The following ETV6 variants were observed in gnomAD, a reference collection of about 807,000 sequenced individuals.
ETV6 encodes the protein ETS variant transcription factor 6.
A neutral mutation model predicts 51.1 loss-of-function variants in ETV6; 16 were observed. That is an observed-to-expected ratio of 0.31 (90% CI 0.21 to 0.48). The LOEUF is 0.48. ETV6 is among the 20% of genes least tolerant of loss of function. The pLI is 0.99. For synonymous variants in ETV6, 240 were observed against 224.1 expected (o/e 1.07, Z -0.64); for missense variants, 458 against 594.8 (o/e 0.77, Z 2.39).
chr12:11,845,467 T>A (rs1946447811), intron 3 of ETV6, among the ~76,000 whole-genome samples: 2 of 152,264 alleles, frequency 1.3e-5, no homozygotes, highest in African/African-American at 2.4e-5. Flanking sequence ...TCTTACTGTA[T>A]CTGTTTTCTA....
At chr12:11,724,962 G>T (rs1056168555) in intron 1 of ETV6, among the ~76,000 whole-genome samples, 3 of 152,118 alleles carry the variant, frequency 2.0e-5, no homozygotes, top group Non-Finnish European at 4.4e-5. Context: ...TTATCCTCCT[G>T]CCCTGAGGTT....
intron 1 of ETV6, among the ~76,000 whole-genome samples, chr12:11,747,095 G>A (rs1034739592): frequency 4.6e-5 from 7 of 152,098 alleles, no homozygotes; most frequent in African/African-American, 9.7e-5. Context: ...TTTGTCTGGC[G>A]TACCCTCTCC....
chr12:11,772,308 T>C (rs1184520951), intron 2 of ETV6, among the ~76,000 whole-genome samples: 1 of 152,210 alleles, frequency 6.6e-6, no homozygotes, highest in African/African-American at 2.4e-5. Flanking sequence ...AGAGAATGTT[T>C]TTGAATTCAG....
intron 1 of ETV6, among the ~76,000 whole-genome samples, chr12:11,679,081 A>G (rs944390039): frequency 4.6e-5 from 7 of 152,212 alleles, no homozygotes; most frequent in African/African-American, 1.4e-4. Flanking sequence ...AAAATTAACC[A>G]TCACAGATAT....
In ETV6 at chr12:11,893,826, A is replaced by G. The variant is rs1388638723; in HGVS notation, c.*2780A>G. The G allele has an allele frequency of 8.9e-6, 1 of 112,244 alleles. No homozygotes were observed. The highest frequency in any genetic ancestry group is 4.6e-5 in the African/African-American group (1 of 21,812). The allele number at this position is 112,244 out of a possible 1,614,324, so 7.0% of individuals were successfully genotyped here. ...TATATATATATATATATATATATAT[A>G]TATATATATATATATACACACACAC... On this transcript the variant is annotated 3_prime_UTR_variant, in exon 8 of 8. Transcript: ENST00000396373.
chr12:11,700,877 C>T (rs1864967333), intron 1 of ETV6, among the ~76,000 whole-genome samples: 2 of 152,066 alleles, frequency 1.3e-5, no homozygotes, highest in Admixed American at 1.3e-4. Flanking sequence ...AGTGGACACA[C>T]GCAGCTCAAA....
At chr12:11,693,967 G>A (rs205545) in intron 1 of ETV6, among the ~76,000 whole-genome samples, 149,051 of 152,328 alleles carry the variant, frequency 0.98, 72,995 homozygotes, top group East Asian at 1. Context: ...CTCAAACTAG[G>A]GAGATTATAT....
At chr12:11,650,491 AAAAAC>A (rs1212480997) in intron 1 of ETV6, among the ~76,000 whole-genome samples, 18 of 63,574 alleles carry the variant, frequency 2.8e-4, no homozygotes, top group South Asian at 2.7e-3. Flanking sequence ...TAAAAAAAAA[AAAAAC>A]AAAAAACAAA....
chr12:11,720,915 G>A (rs1222690617), intron 1 of ETV6, among the ~76,000 whole-genome samples: 1 of 152,126 alleles, frequency 6.6e-6, no homozygotes, highest in African/African-American at 2.4e-5. Flanking sequence ...CAAAGGGCAT[G>A]AACAGACACC....
At chr12:11,800,607 A>G (rs1945733202) in intron 2 of ETV6, among the ~76,000 whole-genome samples, 2 of 152,186 alleles carry the variant, frequency 1.3e-5, no homozygotes, top group South Asian at 4.2e-4. Flanking sequence ...TAGATTCCAC[A>G]TGTAAGCGAG....
In ETV6 at chr12:11,650,487, A is replaced by AAAC. The variant is rs1555109490; in HGVS notation, c.33+329_33+330insCAA. On this transcript the variant is annotated intron_variant, in intron 1 of 7. Transcript: ENST00000396373. ...CCCCCGTAATTAGTGCGCTTAAAAA[A>AAAC]AAAAAAAACAAAAAACAAAAAAAAA... Among the ~76,000 whole-genome samples the AAAC allele has an allele frequency of 3.3e-4, 20 of 61,176 alleles. 1 individual carries two copies. The highest frequency in any genetic ancestry group is 1.5e-3 in the South Asian group (2 of 1,332). 40.1% of individuals were successfully genotyped at this position (61,176 alleles called of 152,430 possible).
intron 7 of ETV6, 122 bp from the exon 8 acceptor site, chr12:11,890,819 G>A (rs1591754879): frequency 1.3e-6 from 1 of 776,742 alleles, no homozygotes; most frequent in South Asian, 1.5e-5. Context: ...TAATCTCGGG[G>A]TTCAGTAGCT....
intron 2 of ETV6, among the ~76,000 whole-genome samples, chr12:11,787,051 G>C (rs914013978): frequency 5.3e-5 from 8 of 152,290 alleles, no homozygotes; most frequent in African/African-American, 1.9e-4. Flanking sequence ...GTCTGAAAGA[G>C]TAATGGGGCC....
At chr12:11,769,313 A>C (rs761334122) in intron 2 of ETV6, among the ~76,000 whole-genome samples, 1 of 152,128 alleles carries the variant, frequency 6.6e-6, no homozygotes, top group African/African-American at 2.4e-5. Context: ...CCTCATTCTC[A>C]TTGTTAATCT....
intron 2 of ETV6, among the ~76,000 whole-genome samples, chr12:11,780,284 A>G (rs1945394044): frequency 6.6e-6 from 1 of 152,142 alleles, no homozygotes; most frequent in African/African-American, 2.4e-5. Flanking sequence ...CTTTTAGAAG[A>G]AAATTTGGGG....
At chr12:11,689,377 C>G (rs968328362) in intron 1 of ETV6, among the ~76,000 whole-genome samples, 1 of 152,152 alleles carries the variant, frequency 6.6e-6, no homozygotes, top group Non-Finnish European at 1.5e-5. Context: ...CACTGCTTCT[C>G]TAGGCGTCGT....
chr12:11,700,946 G>A (rs1289932719), intron 1 of ETV6, among the ~76,000 whole-genome samples: 1 of 152,176 alleles, frequency 6.6e-6, no homozygotes, highest in African/African-American at 2.4e-5. Context: ...GGAAGACAGG[G>A]CTTCCAGGCT....
chr12:11,863,316 C>T (rs74060885), intron 4 of ETV6, among the ~76,000 whole-genome samples: 35 of 152,206 alleles, frequency 2.3e-4, no homozygotes, highest in African/African-American at 8.4e-4. Context: ...AAGAAAATTA[C>T]CCCACTTAAA....
intron 3 of ETV6, among the ~76,000 whole-genome samples, chr12:11,847,514 G>T (rs1228122129): frequency 1.3e-5 from 2 of 152,228 alleles, no homozygotes; most frequent in African/African-American, 4.8e-5. Flanking sequence ...GGAGAAGGAG[G>T]AAGAGCAGAG....
Sources: gnomAD v4.1 joint callset for allele counts (sites outside exome capture counted in the v4.1 genomes callset) on GRCh38, gnomAD v4.1.1 for gene constraint, MANE v1.5 for transcripts, NCBI Gene and HGNC (gene_info 2026-07-23, HGNC 2026-07-21) for gene names.